Variants in PPTC7 observed in about 807,000 individuals in gnomAD.
The protein encoded by PPTC7 is protein phosphatase targeting COQ7, also known as protein phosphatase PTC7 homolog.
Under a neutral mutation model 30.8 loss-of-function variants are expected in PPTC7, and 6 were observed. That is an observed-to-expected ratio of 0.19 (90% CI 0.11 to 0.38). The LOEUF (loss-of-function observed/expected upper bound fraction) is 0.38, where lower values mean the gene tolerates loss of function less well. PPTC7 is among the 10% of genes least tolerant of loss of function. The probability of loss-of-function intolerance (pLI) is 1.00; values close to 1 mark genes in which losing one functional copy is unlikely to be tolerated. For missense variants in PPTC7, 218 were observed against 404.8 expected (o/e 0.54, Z 3.96); for synonymous variants, 163 against 168.1 (o/e 0.97, Z 0.23).
chr12:110,539,517 G>A (rs1186859946), intron 4 of PPTC7, among the ~76,000 whole-genome samples: 1 of 152,040 alleles, frequency 6.6e-6, no homozygotes, highest in African/African-American at 2.4e-5. Flanking sequence ...ACACCTGCTG[G>A]GTGTTAGAAG....
chr12:110,562,053 C>G (rs1276784190), intron 1 of PPTC7, among the ~76,000 whole-genome samples: 3 of 151,972 alleles, frequency 2.0e-5, no homozygotes, highest in Non-Finnish European at 2.9e-5. Flanking sequence ...GAGGTTGAGG[C>G]TGCAGTGAGC....
chr12:110,575,359 C>G (rs1189859755), intron 1 of PPTC7, among the ~76,000 whole-genome samples: 1 of 151,948 alleles, frequency 6.6e-6, no homozygotes, highest in Non-Finnish European at 1.5e-5. Flanking sequence ...CAGGCAAGAC[C>G]TCTCTCTAAA....
At chr12:110,548,702 T>G (rs73191842) in intron 2 of PPTC7, among the ~76,000 whole-genome samples, 1,718 of 152,286 alleles carry the variant, frequency 0.011, 20 homozygotes, top group Non-Finnish European at 0.018. Context: ...TGTGACTCCT[T>G]ATATACTCAC....
chr12:110,537,096 C>A lies in PPTC7; in HGVS notation c.857-1G>T, dbSNP rs2064223789. ...ACGGTGATGTCATCTGGCTTTCCAC[C>A]TACAATGAAAATGAGAACCTATCAG... is the stretch of plus-strand genomic sequence containing the variant. On this transcript the variant is annotated splice_acceptor_variant, in intron 5 of 5. Coordinates refer to ENST00000354300, the MANE Select transcript of PPTC7 (RefSeq NM_139283.2). LOFTEE classifies it high-confidence loss of function. The A allele has an allele frequency of 6.2e-7, 1 of 1,606,500 alleles. No homozygotes were observed. Among genetic ancestry groups the A allele is most frequent in the Non-Finnish European group, 8.5e-7 (1 of 1,173,366 alleles).
chr12:110,534,786 G>A lies in PPTC7; in HGVS notation c.*2251C>T, dbSNP rs1278584546. 6.6e-6 allele frequency: 1 copy of A among 152,326 alleles called. No individual in the cohort carries two copies. The highest frequency in any genetic ancestry group is 1.5e-5 in the Non-Finnish European group (1 of 68,028). 9.4% of individuals were successfully genotyped at this position (152,326 alleles called of 1,614,324 possible). A position where few individuals can be genotyped will look rare whatever the true frequency, so the allele number is the denominator to read the frequency against. Reference sequence around the variant, plus strand: ...TTTCTAACAATCGTTTCTCAAAAAGGTAAGCTGAGTAAATAAGTTGTATAA... The same window carrying A: ...TTTCTAACAATCGTTTCTCAAAAAGATAAGCTGAGTAAATAAGTTGTATAA... On this transcript the variant is annotated 3_prime_UTR_variant, in exon 6 of 6. Transcript: ENST00000354300.
chr12:110,583,127 C>A lies in PPTC7; in HGVS notation c.-96G>T. 1.0e-6 allele frequency: 1 copy of A among 994,216 alleles called. No individual in the cohort carries two copies. Among genetic ancestry groups the A allele is most frequent in the Non-Finnish European group, 1.3e-6 (1 of 768,598 alleles). The allele number at this position is 994,216 out of a possible 1,614,324, so 61.6% of individuals were successfully genotyped here. On this transcript the variant is annotated 5_prime_UTR_variant, in exon 1 of 6. Transcript: ENST00000354300. ...CTCTCCTCAGCCGCAGTCGCGCCGC[C>A]GCTGGGGCGCTCCTCAGGGCGGCGC... is the stretch of plus-strand genomic sequence containing the variant.
intron 1 of PPTC7, among the ~76,000 whole-genome samples, chr12:110,581,179 C>A (rs1317773378): frequency 1.3e-5 from 2 of 152,092 alleles, no homozygotes; most frequent in African/African-American, 2.4e-5. Flanking sequence ...GCGGCCGAGG[C>A]GAACACGAGG....
At chr12:110,552,904 T>C (rs904997768) in intron 1 of PPTC7, among the ~76,000 whole-genome samples, 25 of 151,918 alleles carry the variant, frequency 1.6e-4, no homozygotes, top group South Asian at 4.2e-4. Context: ...ACAGTGGATT[T>C]TGAAAACTTA....
At chr12:110,550,496 T>C (rs1260319082) in intron 2 of PPTC7, among the ~76,000 whole-genome samples, 1 of 151,994 alleles carries the variant, frequency 6.6e-6, no homozygotes, top group African/African-American at 2.4e-5. Context: ...TCCCAAAGTG[T>C]TGGGATTACA....
chr12:110,560,415 TAAAA>T (rs1178280235), intron 1 of PPTC7, among the ~76,000 whole-genome samples: 1 of 148,690 alleles, frequency 6.7e-6, no homozygotes, highest in Non-Finnish European at 1.5e-5. Context: ...AAATAAAAAA[TAAAA>T]AAAGGTAGTT....
chr12:110,574,182 CATTAG>C (rs999045964), intron 1 of PPTC7, among the ~76,000 whole-genome samples: 2 of 107,740 alleles, frequency 1.9e-5, no homozygotes, highest in African/African-American at 7.2e-5. Flanking sequence ...AAATTAAAAG[CATTAG>C]ACATGCAAGC....
rs1285151425 is a variant in PPTC7 at position 110,534,242 on chromosome 12, T to C, written c.*2795A>G. 1 of 152,204 alleles carries C rather than the reference T, an allele frequency of 6.6e-6. No individual in the cohort carries two copies. The highest frequency in any genetic ancestry group is 2.4e-5 in the African/African-American group (1 of 41,446). The allele number at this position is 152,204 out of a possible 1,614,324, so 9.4% of individuals were successfully genotyped here. On this transcript the variant is annotated 3_prime_UTR_variant, in exon 6 of 6. Transcript: ENST00000354300. ...AAATTTCAAGCATGTGATAAAAATA[T>C]TGATTTTTATAATACAGTATTGCTT...
In PPTC7 at chr12:110,535,358, C is replaced by G. The variant is rs1195573345; in HGVS notation, c.*1679G>C. The G allele has an allele frequency of 6.6e-6, 1 of 152,604 alleles. No individual in the cohort carries two copies. Among genetic ancestry groups the G allele is most frequent in the African/African-American group, 2.4e-5 (1 of 41,432 alleles). The allele number at this position is 152,604 out of a possible 1,614,324, so 9.5% of individuals were successfully genotyped here. On this transcript the variant is annotated 3_prime_UTR_variant, in exon 6 of 6. Transcript: ENST00000354300. ...TACTGAACGGCTTACAAATGAATAA[C>G]TCATTCTTATTATAAATGAAATGCC...
intron 1 of PPTC7, among the ~76,000 whole-genome samples, chr12:110,569,778 C>T (rs1039795138): frequency 6.6e-6 from 1 of 152,212 alleles, no homozygotes; most frequent in Non-Finnish European, 1.5e-5. Context: ...CAATTTATCT[C>T]TTGTCCTTAT....
At chr12:110,553,965 G>A (rs1189453067) in intron 1 of PPTC7, among the ~76,000 whole-genome samples, 1 of 152,048 alleles carries the variant, frequency 6.6e-6, no homozygotes, top group African/African-American at 2.4e-5. Flanking sequence ...AGGTTCAAGT[G>A]ATTCTCCTGC....
In PPTC7 at chr12:110,534,311, T is replaced by C. The variant is rs941633010; in HGVS notation, c.*2726A>G. ...AGCTATAAACTTTACTGGTCTTTGG[T>C]GCATCCAGAGAGGGATAAATAATTT... On this transcript the variant is annotated 3_prime_UTR_variant, in exon 6 of 6. Transcript: ENST00000354300. The C allele has an allele frequency of 2.6e-5, 4 of 152,208 alleles. No individual in the cohort carries two copies. The highest frequency in any genetic ancestry group is 9.7e-5 in the African/African-American group (4 of 41,450). 9.4% of individuals were successfully genotyped at this position (152,208 alleles called of 1,614,324 possible). A position where few individuals can be genotyped will look rare whatever the true frequency, so the allele number is the denominator to read the frequency against.
intron 1 of PPTC7, among the ~76,000 whole-genome samples, chr12:110,558,380 GA>G (rs562578655): frequency 2.0e-5 from 3 of 152,184 alleles, no homozygotes; most frequent in Non-Finnish European, 4.4e-5. Context: ...TTAATGACTA[GA>G]AGGGCCTTGA....
chr12:110,578,038 G>A (rs1329398300), intron 1 of PPTC7, among the ~76,000 whole-genome samples: 4 of 152,088 alleles, frequency 2.6e-5, no homozygotes, highest in African/African-American at 7.2e-5. Flanking sequence ...ACTGGGAAAG[G>A]GAGTCTCAGA....
intron 2 of PPTC7, among the ~76,000 whole-genome samples, chr12:110,548,290 T>G (rs1373135897): frequency 6.6e-6 from 1 of 152,204 alleles, no homozygotes; most frequent in African/African-American, 2.4e-5. Flanking sequence ...GGATCATGGG[T>G]AATTTTTATT....
Sources: gnomAD v4.1 joint callset for allele counts (sites outside exome capture counted in the v4.1 genomes callset) on GRCh38, gnomAD v4.1.1 for gene constraint, MANE v1.5 for transcripts, NCBI Gene and HGNC (gene_info 2026-07-23, HGNC 2026-07-21) for gene names.